CCDC169: variants seen among roughly 807,000 people sequenced by gnomAD.
CCDC169 encodes coiled-coil domain-containing protein 169.
Under a neutral mutation model 36.0 loss-of-function variants are expected in CCDC169, and 30 were observed. The ratio of observed to expected loss-of-function variants is 0.83; its 90% CI spans 0.62 to 1.13. CCDC169 has a LOEUF of 1.13. Among genes scored for constraint, CCDC169 ranks in the 50% most tolerant of loss-of-function variants. CCDC169 has a pLI of 0.00. For missense variants in CCDC169, 245 were observed against 245.9 expected, an observed-to-expected ratio of 1.00 and a Z score of 0.03; for synonymous variants, 85 against 81.5, an observed-to-expected ratio of 1.04 and a Z score of -0.23.
intron 4 of CCDC169, among the ~76,000 whole-genome samples, chr13:36,273,424 G>A (rs549633202): frequency 5.3e-5 from 8 of 152,242 alleles, no homozygotes; most frequent in African/African-American, 1.4e-4. Context: ...GCATGTAAGA[G>A]TGAACACACC....
Position 36,283,573 on chromosome 13 carries a change from C to T in CCDC169, c.274+19G>A. The stretch of plus-strand genomic sequence containing the variant: ...GTTTTAACTCAAATTATAAAATGTA[C>T]ATATGATTGGTTTTGTACCTGAAGA... On this transcript the variant is annotated intron_variant, in intron 3 of 7. Transcript: ENST00000239859. 6.4e-7 allele frequency: 1 copy of T among 1,551,078 alleles called. No homozygotes were observed. Among genetic ancestry groups the T allele is most frequent in the South Asian group, 1.2e-5 (1 of 84,014 alleles).
downstream of CCDC169, chr13:36,226,054 AC>A (rs2138360133): frequency 6.6e-6 from 1 of 152,278 alleles, no homozygotes; most frequent in African/African-American, 2.4e-5. Flanking sequence ...ACTTAAAACT[AC>A]CATTTGACCC....
chr13:36,239,894 AT>A (rs1871563064), intron 7 of CCDC169, among the ~76,000 whole-genome samples: 1 of 152,146 alleles, frequency 6.6e-6, no homozygotes, highest in Non-Finnish European at 1.5e-5. Flanking sequence ...ACAATAAGCT[AT>A]TTTGAGAGAG....
intron 4 of CCDC169, among the ~76,000 whole-genome samples, chr13:36,260,456 T>G (rs9546955): frequency 0.4 from 61,551 of 152,022 alleles, 13,229 homozygotes; most frequent in Non-Finnish European, 0.48. Context: ...TGGAATGTAG[T>G]GAATTATCTT....
chr13:36,274,867 C>CTTTTTT (rs1876562907), intron 4 of CCDC169, among the ~76,000 whole-genome samples: 1 of 80,152 alleles, frequency 1.2e-5, no homozygotes, highest in African/African-American at 4.4e-5. Context: ...CCATTAGCTG[C>CTTTTTT]ATTTTTTTTT....
At chr13:36,296,323 A>C (rs1879480140) in intron 1 of CCDC169, among the ~76,000 whole-genome samples, 1 of 152,142 alleles carries the variant, frequency 6.6e-6, no homozygotes, top group African/African-American at 2.4e-5. Flanking sequence ...CGAACTCCTA[A>C]CCTTGTGATC....
intron 2 of CCDC169, among the ~76,000 whole-genome samples, chr13:36,290,146 C>A (rs1878693047): frequency 6.6e-6 from 1 of 152,068 alleles, no homozygotes; most frequent in Non-Finnish European, 1.5e-5. Context: ...TATCTGACAG[C>A]AAATCTAAGT....
chr13:36,272,515 CACTA>C (rs1166743048), intron 4 of CCDC169, among the ~76,000 whole-genome samples: 1 of 152,174 alleles, frequency 6.6e-6, no homozygotes, highest in Non-Finnish European at 1.5e-5. Flanking sequence ...TGGGTCACCA[CACTA>C]ACTTTTCTAT....
At chr13:36,261,782 A>T (rs1055379219) in intron 4 of CCDC169, among the ~76,000 whole-genome samples, 3 of 152,150 alleles carry the variant, frequency 2.0e-5, no homozygotes, top group Non-Finnish European at 2.9e-5. Flanking sequence ...TTATGATTAG[A>T]CTTGCCTCCA....
chr13:36,258,946 T>A (rs553341814), intron 4 of CCDC169, among the ~76,000 whole-genome samples: 333 of 152,340 alleles, frequency 2.2e-3, no homozygotes, highest in African/African-American at 7.8e-3. Context: ...CCATGTCATC[T>A]GTCACAGGTG....
chr13:36,235,755 C>T (rs967534196), intron 7 of CCDC169, among the ~76,000 whole-genome samples: 1 of 151,846 alleles, frequency 6.6e-6, no homozygotes, highest in African/African-American at 2.4e-5. Context: ...CATTCACATA[C>T]AGACACAGAC....
At chr13:36,237,929 G>C (rs181498845) in intron 7 of CCDC169, among the ~76,000 whole-genome samples, 2 of 152,176 alleles carry the variant, frequency 1.3e-5, no homozygotes, top group African/African-American at 4.8e-5. Context: ...CATATAGCTA[G>C]GTGTGAAGTA....
chr13:36,266,653 A>G (rs891999902), intron 4 of CCDC169, among the ~76,000 whole-genome samples: 4 of 152,192 alleles, frequency 2.6e-5, no homozygotes, highest in Admixed American at 6.5e-5. Context: ...CTCGTTTCAC[A>G]TACTTGTTAA....
At chr13:36,233,909 G>A (rs1566058065) in intron 7 of CCDC169, among the ~76,000 whole-genome samples, 2 of 152,312 alleles carry the variant, frequency 1.3e-5, no homozygotes, top group East Asian at 1.9e-4. Flanking sequence ...GCATTAATGT[G>A]GAGAATCTCC....
At chr13:36,253,221 C>A (rs1253634160) in intron 6 of CCDC169, among the ~76,000 whole-genome samples, 1 of 152,142 alleles carries the variant, frequency 6.6e-6, no homozygotes. Context: ...TTCATGATAG[C>A]CCAGAGATAG....
At chr13:36,296,154 CA>C (rs1401192616) in intron 1 of CCDC169, among the ~76,000 whole-genome samples, 2 of 152,172 alleles carry the variant, frequency 1.3e-5, no homozygotes, top group East Asian at 3.9e-4. Context: ...TGCAGTGGTG[CA>C]AACTCGGCTC....
At chr13:36,252,975 A>G (rs1374624164) in intron 6 of CCDC169, among the ~76,000 whole-genome samples, 3 of 152,236 alleles carry the variant, frequency 2.0e-5, no homozygotes, top group African/African-American at 7.2e-5. Context: ...TAACTGTAAC[A>G]TTAGAAATCA....
chr13:36,296,020 T>G (rs182123720), intron 1 of CCDC169, among the ~76,000 whole-genome samples, 163 bp from the exon 2 acceptor site: 135 of 152,288 alleles, frequency 8.9e-4, no homozygotes, highest in Middle Eastern at 3.4e-3. Flanking sequence ...GGCTTCCAAT[T>G]AGTCAGTTCT....
chr13:36,237,706 C>T (rs143051376), intron 7 of CCDC169, among the ~76,000 whole-genome samples: 6 of 152,300 alleles, frequency 3.9e-5, no homozygotes, highest in African/African-American at 1.4e-4. Flanking sequence ...ATATTGTATG[C>T]TCCCATTTAC....
Sources: allele counts gnomAD v4.1 joint callset (sites outside exome capture counted in the v4.1 genomes callset), GRCh38; gene constraint gnomAD v4.1.1; transcripts MANE v1.5; gene names NCBI Gene and HGNC (gene_info 2026-07-23, HGNC 2026-07-21).